The following WNK3 variants were observed in gnomAD, a reference collection of about 807,000 sequenced individuals.
WNK3 encodes serine/threonine-protein kinase WNK3.
WNK3 carries 18 observed loss-of-function variants against 116.7 expected under a neutral mutation model. That is an observed-to-expected ratio of 0.15 (90% CI 0.11 to 0.23). WNK3 has a LOEUF of 0.23. Among genes scored for constraint, WNK3 ranks in the 10% least tolerant of loss-of-function variants. WNK3 has a pLI of 1.00. For synonymous variants in WNK3, 404 were observed against 469.4 expected, an observed-to-expected ratio of 0.86 and a Z score of 1.80; for missense variants, 993 against 1,323.8, an observed-to-expected ratio of 0.75 and a Z score of 3.88.
intron 22 of WNK3, among the ~76,000 whole-genome samples, chrX:54,213,800 G>A (rs781916107): frequency 1.7e-4 from 19 of 109,066 alleles, no homozygotes; most frequent in Non-Finnish European, 3.2e-4. Context: ...GAAAGGTGAC[G>A]TCATTCCCCA....
At chrX:54,267,859 T>C (rs2068332673) in intron 10 of WNK3, among the ~76,000 whole-genome samples, 1 of 108,770 alleles carries the variant, frequency 9.2e-6, no homozygotes, top group Non-Finnish European at 1.9e-5. Flanking sequence ...AAAGACAGAG[T>C]TGCTATTTGT....
At chrX:54,318,517 G>T (rs1164684694) in intron 2 of WNK3, among the ~76,000 whole-genome samples, 1 of 110,448 alleles carries the variant, frequency 9.1e-6, no homozygotes, top group African/African-American at 3.3e-5. Flanking sequence ...TTCAAGACCA[G>T]CTTGGGCAAC....
chrX:54,316,185 C>T (rs782287423), intron 2 of WNK3, among the ~76,000 whole-genome samples: 10 of 110,930 alleles, frequency 9.0e-5, no homozygotes, highest in East Asian at 5.7e-4. Flanking sequence ...TATTTGGAGA[C>T]GGGACCTTTA....
rs782793818 is a variant in WNK3 at position 54,229,557 on chromosome X, A to G, written c.4841-814T>C. Among the ~76,000 whole-genome samples the G allele has an allele frequency of 3.5e-3, 388 of 110,411 alleles. 4 individuals carry two copies. The highest frequency in any genetic ancestry group is 0.012 in the African/African-American group (375 of 30,579). ...GAAGAGGAAGTAGAGTAGCTAAAAC[A>G]GTTTTGAAAAAAAACAAAGTTTCAG... On this transcript the variant is annotated intron_variant, in intron 21 of 23. Coordinates refer to ENST00000354646, the Ensembl canonical transcript of WNK3.
intron 10 of WNK3, among the ~76,000 whole-genome samples, chrX:54,278,291 A>G (rs782346305): frequency 4.4e-4 from 48 of 110,287 alleles, no homozygotes; most frequent in Non-Finnish European, 1.1e-4. Flanking sequence ...CATAGTCAAG[A>G]TGTCAATTTT....
intron 21 of WNK3, among the ~76,000 whole-genome samples, chrX:54,232,133 A>ATATATG (rs1557149098): frequency 9.7e-5 from 10 of 103,271 alleles, no homozygotes; most frequent in East Asian, 3.0e-4. Context: ...ATATATATAT[A>ATATATG]TATGTATGTA....
At chrX:54,351,262 T>C (rs1366393766) in intron 1 of WNK3, among the ~76,000 whole-genome samples, 1 of 110,949 alleles carries the variant, frequency 9.0e-6, no homozygotes, top group Non-Finnish European at 1.9e-5. Context: ...TACAAACATA[T>C]GCATGCAAAT....
At position 54,309,090 on chromosome X, in the gene WNK3, A is replaced by G. The variant is rs1557169225; in HGVS notation, c.931+5T>C. On this transcript the variant is annotated splice_donor_5th_base_variant and intron_variant, in intron 4 of 23. Transcript: ENST00000354646. The stretch of plus-strand genomic sequence containing the variant: ...CCAACCAGTAAACTGTAAAACTTTA[A>G]TCACCAATGACACTCTTAGCAAATG... The G allele has an allele frequency of 1.7e-6, 2 of 1,201,960 alleles. No homozygotes were observed. Among genetic ancestry groups the G allele is most frequent in the East Asian group, 5.9e-5 (2 of 33,819 alleles).
rs1303665200 is a variant in WNK3 at position 54,243,795 on chromosome X, T to C, written c.3652-4696A>G. Among the ~76,000 whole-genome samples, 8 of 111,781 alleles carry C rather than the reference T, an allele frequency of 7.2e-5. No homozygotes were observed. The East Asian group carries it at 1.7e-3, about 23-fold the overall frequency. ...TAGAATTACCATATGCCCCAGATAA[T>C]TGAAAACAGGAACTCATATGAATAC... On this transcript the variant is annotated intron_variant, in intron 17 of 23. Transcript: ENST00000354646.
intron 20 of WNK3, among the ~76,000 whole-genome samples, chrX:54,234,609 G>A (rs2067940854): frequency 9.0e-6 from 1 of 111,358 alleles, no homozygotes; most frequent in African/African-American, 3.3e-5. Flanking sequence ...GGCGGATCAC[G>A]AGGTCAGGAG....
intron 22 of WNK3, 145 bp from the exon 23 acceptor site, chrX:54,202,338 C>CGTCCTGGTTTAAAGCTGTT: frequency 1.9e-6 from 1 of 514,539 alleles, no homozygotes; most frequent in Non-Finnish European, 3.1e-6. Context: ...TTACCTGCGT[C>CGTCCTGGTTTAAAGCTGTT]GTCCTGGTTT....
At chrX:54,202,848 CAAAT>C (rs2067515826) in intron 22 of WNK3, among the ~76,000 whole-genome samples, 1 of 107,990 alleles carries the variant, frequency 9.3e-6, no homozygotes, top group South Asian at 4.0e-4. Flanking sequence ...AAAAAAGAAT[CAAAT>C]AATGTTAAAA....
chrX:54,279,147 A>G (rs2068485993), intron 10 of WNK3, among the ~76,000 whole-genome samples: 1 of 110,546 alleles, frequency 9.0e-6, no homozygotes, highest in Admixed American at 9.7e-5. Flanking sequence ...GAAAAATGTA[A>G]AAGTAGAAGA....
intron 10 of WNK3, among the ~76,000 whole-genome samples, chrX:54,260,681 A>G (rs1490148384): frequency 9.0e-6 from 1 of 110,816 alleles, no homozygotes; most frequent in Admixed American, 9.7e-5. Flanking sequence ...ATTTTTGCAG[A>G]TGTCTTTCAA....
At chrX:54,304,893 T>G (rs1379040785) in intron 5 of WNK3, among the ~76,000 whole-genome samples, 1 of 111,338 alleles carries the variant, frequency 9.0e-6, no homozygotes, top group Non-Finnish European at 1.9e-5. Flanking sequence ...TCCCAGTACT[T>G]TGGGAGGCCG....
At chrX:54,333,448 G>A in exon 2 of WNK3, 1 of 1,210,888 alleles carries the variant, frequency 8.3e-7, no homozygotes, top group Non-Finnish European at 1.1e-6. Context: ...TCATCTTTGG[G>A]GGATGATTCG....
At position 54,333,723 on chromosome X, in the gene WNK3, A is replaced by G. The variant is rs782622384; in HGVS notation, c.-50T>C. ...TTTTCCTGTTTCTACTCTTCAGTCC[A>G]GTTACATCTCAGGTATCAGAATTAT... On this transcript the variant is annotated 5_prime_UTR_variant, in exon 2 of 24. Transcript: ENST00000354646. The G allele has an allele frequency of 8.1e-6, 8 of 985,592 alleles. No homozygotes were observed. In the South Asian group the frequency reaches 1.8e-4, roughly 23 times the overall value. The allele number at this position is 985,592 out of a possible 1,213,427, so 81.2% of individuals were successfully genotyped here.
intron 10 of WNK3, among the ~76,000 whole-genome samples, chrX:54,283,892 C>T (rs189842042): frequency 1.8e-5 from 2 of 108,320 alleles, no homozygotes; most frequent in East Asian, 2.8e-4. Context: ...AAACTTGACC[C>T]CTTACTTCAC....
intron 10 of WNK3, among the ~76,000 whole-genome samples, chrX:54,289,797 A>G (rs1557164645): frequency 9.0e-6 from 1 of 111,594 alleles, no homozygotes; most frequent in East Asian, 2.8e-4. Context: ...CATGTTGGAC[A>G]GAAGAATGAT....
Sources: allele counts gnomAD v4.1 joint callset (sites outside exome capture counted in the v4.1 genomes callset), GRCh38; gene constraint gnomAD v4.1.1; transcripts MANE v1.5; gene names NCBI Gene and HGNC (gene_info 2026-07-23, HGNC 2026-07-21).